Variants in DSCAM observed in about 807,000 individuals in gnomAD.
The protein encoded by DSCAM is cell adhesion molecule DSCAM.
A neutral mutation model predicts 217.7 loss-of-function variants in DSCAM; 47 were observed. That is an observed-to-expected ratio of 0.22 (90% CI 0.17 to 0.28). DSCAM has a LOEUF of 0.28. Among genes scored for constraint, DSCAM ranks in the 10% least tolerant of loss-of-function variants. The pLI, the probability that DSCAM is intolerant of heterozygous loss-of-function variation, is 1.00. For synonymous variants in DSCAM, 1,056 were observed against 1,015.3 expected (o/e 1.04, Z -0.76); for missense variants, 2,080 against 2,618.3 (o/e 0.79, Z 4.49).
At position 40,765,141 on chromosome 21, in the gene DSCAM, A is replaced by G. The variant is rs148319494; in HGVS notation, c.44-56370T>C. ...CTTGTCAGAAAGTTCTGTGGAACCA[A>G]AAGTACTTACTATAATTGTTGGTTT... On this transcript the variant is annotated intron_variant, in intron 1 of 32. Coordinates refer to ENST00000400454, the MANE Select transcript of DSCAM (RefSeq NM_001389.5). 9.9e-5 allele frequency among the ~76,000 whole-genome samples: 15 copies of G among 152,284 alleles called. No individual in the cohort carries two copies. In the East Asian group the frequency reaches 2.7e-3, roughly 27 times the overall value.
At chr21:40,671,060 T>C (rs1341467352) in intron 3 of DSCAM, among the ~76,000 whole-genome samples, 2 of 152,208 alleles carry the variant, frequency 1.3e-5, no homozygotes, top group Non-Finnish European at 2.9e-5. Context: ...TATGAAAGCC[T>C]GAGACAAGCT....
At chr21:40,222,751 A>C (rs2091299635) in intron 11 of DSCAM, among the ~76,000 whole-genome samples, 1 of 152,202 alleles carries the variant, frequency 6.6e-6, no homozygotes, top group Non-Finnish European at 1.5e-5. Context: ...TGTAATCTCT[A>C]GTACAGCAAA....
At chr21:40,300,233 C>T (rs1166356096) in intron 9 of DSCAM, among the ~76,000 whole-genome samples, 1 of 152,172 alleles carries the variant, frequency 6.6e-6, no homozygotes, top group Non-Finnish European at 1.5e-5. Flanking sequence ...ATCACAGGTA[C>T]CTCTAATTCA....
At chr21:40,085,472 T>C (rs2073242584) in intron 23 of DSCAM, 130 bp downstream of exon 23, 14 of 836,926 alleles carry the variant, frequency 1.7e-5, no homozygotes, top group Non-Finnish European at 2.3e-5. Context: ...ATGTGTTTTC[T>C]TTTTCTGTAA....
At chr21:40,352,301 G>A (rs1181937119) in intron 5 of DSCAM, among the ~76,000 whole-genome samples, 1 of 152,124 alleles carries the variant, frequency 6.6e-6, no homozygotes, top group Non-Finnish European at 1.5e-5. Context: ...TTGAGCCCGT[G>A]GGAATAATTC....
chr21:40,147,733 G>A (rs2090374429), intron 16 of DSCAM, among the ~76,000 whole-genome samples: 2 of 152,098 alleles, frequency 1.3e-5, no homozygotes, highest in Non-Finnish European at 2.9e-5. Flanking sequence ...TTTAGTGTCT[G>A]AGTTTTTCTT....
intron 18 of DSCAM, among the ~76,000 whole-genome samples, chr21:40,138,783 GGTATGT>G (rs1478820958): frequency 1.4e-5 from 2 of 143,084 alleles, no homozygotes; most frequent in African/African-American, 5.2e-5. Flanking sequence ...GTGTATGGGG[GGTATGT>G]GTATGTGTGG....
chr21:40,631,880 G>A (rs1196288604), intron 3 of DSCAM, among the ~76,000 whole-genome samples: 7 of 152,362 alleles, frequency 4.6e-5, no homozygotes, highest in South Asian at 2.1e-4. Context: ...GATGGCAACA[G>A]AGGCCATGGC....
chr21:40,660,079 C>CTGCA lies in DSCAM; in HGVS notation c.508+32727_508+32730dup, dbSNP rs573959736. Among the ~76,000 whole-genome samples, 90 of 152,326 alleles carry CTGCA rather than the reference C, an allele frequency of 5.9e-4. 2 individuals are homozygous for CTGCA. The highest frequency in any genetic ancestry group is 1.9e-3 in the African/African-American group (79 of 41,570). On this transcript the variant is annotated intron_variant, in intron 3 of 32. Transcript: ENST00000400454. ...AAATGTTTTGACATCCATCACCTTA[C>CTGCA]TGCATCTTCCCAAAACCACAGGAGG...
intron 10 of DSCAM, among the ~76,000 whole-genome samples, chr21:40,282,590 C>CAAAA (rs528248714): frequency 3.5e-3 from 115 of 32,830 alleles, no homozygotes; most frequent in Non-Finnish European, 6.2e-3. Context: ...GACTCTGTCT[C>CAAAA]AAAAAAAAAA....
chr21:40,392,061 T>C (rs1198996281), intron 3 of DSCAM, among the ~76,000 whole-genome samples: 1 of 152,164 alleles, frequency 6.6e-6, no homozygotes, highest in African/African-American at 2.4e-5. Flanking sequence ...TTTTCAAAAG[T>C]CATTTCTTAT....
chr21:40,253,865 T>C (rs1441615917), intron 11 of DSCAM, among the ~76,000 whole-genome samples: 1 of 152,186 alleles, frequency 6.6e-6, no homozygotes, highest in Non-Finnish European at 1.5e-5. Flanking sequence ...AAATGGTAAT[T>C]GTTAAGTATG....
intron 10 of DSCAM, among the ~76,000 whole-genome samples, chr21:40,291,430 C>T (rs1243711051): frequency 6.6e-6 from 1 of 152,206 alleles, no homozygotes; most frequent in Non-Finnish European, 1.5e-5. Flanking sequence ...CATTGCTCAC[C>T]ATACCCACTC....
intron 1 of DSCAM, among the ~76,000 whole-genome samples, chr21:40,834,362 A>G (rs2092038021): frequency 6.6e-6 from 1 of 150,660 alleles, no homozygotes; most frequent in African/African-American, 2.4e-5. Flanking sequence ...AGCAGAGATC[A>G]CGCCACTGCA....
At chr21:40,042,822 T>C in intron 31 of DSCAM, 149 bp from the exon 32 acceptor site, 1 of 742,274 alleles carries the variant, frequency 1.3e-6, no homozygotes, top group Non-Finnish European at 2.1e-6. Context: ...GCTCCTGCCT[T>C]AGGCACTCTG....
intron 29 of DSCAM, among the ~76,000 whole-genome samples, chr21:40,052,503 A>C (rs2088949705): frequency 6.6e-6 from 1 of 152,184 alleles, no homozygotes; most frequent in South Asian, 2.1e-4. Context: ...GTCAATGAAG[A>C]CAGGTCCCTT....
In DSCAM at chr21:40,011,383, AT is replaced by A. The variant is rs141347411; in HGVS notation, c.*1650del. 2.7e-3 allele frequency: 407 copies of A among 152,278 alleles called. No homozygotes were observed. The highest frequency in any genetic ancestry group is 4.4e-3 in the Non-Finnish European group (301 of 68,022). 9.4% of individuals were successfully genotyped at this position (152,278 alleles called of 1,614,324 possible). ...AGGAGGGAGGGAGGGAAGGAAAGAC[AT>A]TTCTGAATATGTTCCCAAGATGGTA... On this transcript the variant is annotated 3_prime_UTR_variant, in exon 33 of 33. Coordinates refer to ENST00000400454, the MANE Select transcript of DSCAM (RefSeq NM_001389.5).
chr21:40,650,598 C>T (rs60181770), intron 3 of DSCAM, among the ~76,000 whole-genome samples: 6,638 of 150,766 alleles, frequency 0.044, 477 homozygotes, highest in African/African-American at 0.15. Context: ...TTTTCTTGAG[C>T]TGGGACATCT....
intron 8 of DSCAM, among the ~76,000 whole-genome samples, chr21:40,330,426 C>G (rs1054224693): frequency 6.9e-6 from 1 of 145,760 alleles, no homozygotes; most frequent in African/African-American, 2.5e-5. Context: ...ATATAGCATT[C>G]TTTCATAATG....
Sources: allele counts gnomAD v4.1 joint callset (sites outside exome capture counted in the v4.1 genomes callset), GRCh38; gene constraint gnomAD v4.1.1; transcripts MANE v1.5; gene names NCBI Gene and HGNC (gene_info 2026-07-23, HGNC 2026-07-21).